MLIP: variants seen among roughly 807,000 people sequenced by gnomAD.
The protein encoded by MLIP is muscular LMNA interacting protein.
MLIP carries 79 observed loss-of-function variants against 84.8 expected under a neutral mutation model. The observed-to-expected ratio is 0.93, with a 90% CI of 0.78 to 1.12. The LOEUF (loss-of-function observed/expected upper bound fraction) is 1.12, where lower values mean the gene tolerates loss of function less well. Ranked by LOEUF, MLIP falls within the 50% of genes most tolerant of loss-of-function variation. MLIP has a pLI of 0.00. For missense variants in MLIP, 1,257 were observed against 1,160.6 expected, an observed-to-expected ratio of 1.08 and a Z score of -1.21; for synonymous variants, 504 against 463.0, an observed-to-expected ratio of 1.09 and a Z score of -1.14.
intron 11 of MLIP, among the ~76,000 whole-genome samples, chr6:54,225,460 A>G (rs1349811563): frequency 6.6e-6 from 1 of 152,234 alleles, no homozygotes; most frequent in African/African-American, 2.4e-5. Context: ...CTGAAATGTC[A>G]TTATGCAGTT....
intron 10 of MLIP, among the ~76,000 whole-genome samples, chr6:54,200,006 C>G (rs144455861): frequency 8.5e-5 from 13 of 152,216 alleles, no homozygotes; most frequent in African/African-American, 3.1e-4. Flanking sequence ...GTCTAATTGT[C>G]AGAGACAACC....
Position 54,264,574 on chromosome 6 carries a change from A to C in MLIP, c.2977-1376A>C, listed in dbSNP as rs1278573807. Among the ~76,000 whole-genome samples, 4 of 152,126 alleles carry C rather than the reference A, an allele frequency of 2.6e-5. No homozygotes were observed. The South Asian group carries it at 8.3e-4, about 31-fold the overall frequency. On this transcript the variant is annotated intron_variant, in intron 13 of 13. Coordinates refer to ENST00000502396, the MANE Select transcript of MLIP (RefSeq NM_001281747.2). ...GTAAAGTGCTTAGCATATAAAATAC[A>C]TGGCACTTAAAAAGTATTAGCCAAA...
intron 5 of MLIP, among the ~76,000 whole-genome samples, chr6:54,152,954 T>G (rs1281451170): frequency 6.6e-6 from 1 of 151,670 alleles, no homozygotes; most frequent in Non-Finnish European, 1.5e-5. Context: ...AAATATAAAT[T>G]TTTTCCTTGA....
chr6:54,256,414 G>C (rs183587348), intron 12 of MLIP, among the ~76,000 whole-genome samples: 1 of 152,276 alleles, frequency 6.6e-6, no homozygotes, highest in Non-Finnish European at 1.5e-5. Context: ...CCTGTTGAAA[G>C]TGAAAGGGGT....
chr6:54,158,505 C>T (rs557845796), intron 5 of MLIP, among the ~76,000 whole-genome samples: 4 of 152,144 alleles, frequency 2.6e-5, no homozygotes, highest in South Asian at 4.1e-4. Context: ...ACCTTTCTAG[C>T]TATAGATTTT....
At chr6:54,051,337 T>C (rs1240837377) in intron 1 of MLIP, among the ~76,000 whole-genome samples, 1 of 152,074 alleles carries the variant, frequency 6.6e-6, no homozygotes, top group Non-Finnish European at 1.5e-5. Context: ...TTAATTTAAT[T>C]TAAATATGCC....
intron 11 of MLIP, among the ~76,000 whole-genome samples, chr6:54,214,197 G>C (rs1162433752): frequency 6.6e-6 from 1 of 152,116 alleles, no homozygotes; most frequent in Non-Finnish European, 1.5e-5. Flanking sequence ...TCTCTTTTGA[G>C]ATGTCTCAAA....
At chr6:54,196,658 A>G (rs552634488) in intron 10 of MLIP, among the ~76,000 whole-genome samples, 1 of 152,226 alleles carries the variant, frequency 6.6e-6, no homozygotes, top group Admixed American at 6.6e-5. Context: ...ATTGAATTAT[A>G]GTCAGCACAC....
At chr6:54,136,210 A>G (rs770982353) in intron 3 of MLIP, among the ~76,000 whole-genome samples, 1 of 152,306 alleles carries the variant, frequency 6.6e-6, no homozygotes, top group African/African-American at 2.4e-5. Context: ...CACTTTTCCA[A>G]GTTCACAGCA....
intron 9 of MLIP, among the ~76,000 whole-genome samples, chr6:54,171,510 G>A (rs561078515): frequency 2.0e-5 from 3 of 151,472 alleles, no homozygotes; most frequent in South Asian, 4.1e-4. Context: ...CTAGTTTGGC[G>A]CCAACTCTCG....
At chr6:54,148,926 A>T (rs1201553546) in intron 4 of MLIP, 130 bp from the exon 5 acceptor site, 1 of 646,290 alleles carries the variant, frequency 1.5e-6, no homozygotes, top group Non-Finnish European at 2.6e-6. Flanking sequence ...GTCAGAAACA[A>T]GTTGTTCAGC....
chr6:54,114,115 G>T (rs1016744352), intron 1 of MLIP, among the ~76,000 whole-genome samples: 5 of 152,246 alleles, frequency 3.3e-5, no homozygotes, highest in Middle Eastern at 3.4e-3. Flanking sequence ...TCCTTAAAAC[G>T]CCCAGGCCAC....
chr6:54,133,853 TTGAAAA>T (rs1771588809), intron 3 of MLIP, among the ~76,000 whole-genome samples: 1 of 152,148 alleles, frequency 6.6e-6, no homozygotes, highest in Admixed American at 6.6e-5. Flanking sequence ...GAAGAGAGTT[TTGAAAA>T]TGACTTTAGA....
At chr6:54,044,140 A>T (rs1764900363) in intron 1 of MLIP, among the ~76,000 whole-genome samples, 1 of 152,256 alleles carries the variant, frequency 6.6e-6, no homozygotes, top group Admixed American at 6.5e-5. Context: ...AGTGATTCAT[A>T]GCAAACACAG....
intron 13 of MLIP, chr6:54,261,741 C>T (rs1444767739): frequency 2.2e-5 from 22 of 984,748 alleles, no homozygotes; most frequent in South Asian, 9.4e-5. Context: ...ATTACTTGCC[C>T]GTGGAAGCCA....
At chr6:54,220,853 T>C (rs1780170066) in intron 11 of MLIP, among the ~76,000 whole-genome samples, 1 of 152,146 alleles carries the variant, frequency 6.6e-6, no homozygotes, top group Non-Finnish European at 1.5e-5. Flanking sequence ...GTGGGCTACA[T>C]TAATGATTGT....
chr6:54,226,905 C>T (rs1333700958), intron 11 of MLIP, among the ~76,000 whole-genome samples: 1 of 152,198 alleles, frequency 6.6e-6, no homozygotes, highest in African/African-American at 2.4e-5. Context: ...AAAATTCCCA[C>T]TCCTGGGAAA....
chr6:54,052,062 T>C (rs1441737492), intron 1 of MLIP, among the ~76,000 whole-genome samples: 1 of 152,192 alleles, frequency 6.6e-6, no homozygotes, highest in Non-Finnish European at 1.5e-5. Flanking sequence ...CTGACTTCTC[T>C]GTGTTGGCCT....
At chr6:54,239,940 C>A (rs1297921831) in intron 12 of MLIP, among the ~76,000 whole-genome samples, 1 of 151,960 alleles carries the variant, frequency 6.6e-6, no homozygotes, top group Admixed American at 6.6e-5. Context: ...TCAGAAGTAT[C>A]CTGTTTAATC....
Sources: gnomAD v4.1 joint callset for allele counts (sites outside exome capture counted in the v4.1 genomes callset) on GRCh38, gnomAD v4.1.1 for gene constraint, MANE v1.5 for transcripts, NCBI Gene and HGNC (gene_info 2026-07-23, HGNC 2026-07-21) for gene names.